TNFAIP2: variants seen among roughly 807,000 people sequenced by gnomAD.
TNFAIP2 encodes the protein TNF alpha induced protein 2, also known as tumor necrosis factor alpha-induced protein 2.
Under a neutral mutation model 63.5 loss-of-function variants are expected in TNFAIP2, and 47 were observed. The ratio of observed to expected loss-of-function variants is 0.74; its 90% confidence interval spans 0.59 to 0.94. TNFAIP2 has a LOEUF of 0.94. Ranked by LOEUF, TNFAIP2 falls within the 40% of genes least tolerant of loss-of-function variation. The pLI is 0.00. For missense variants in TNFAIP2, 787 were observed against 850.2 expected, an observed-to-expected ratio of 0.93 and a Z score of 0.92; for synonymous variants, 405 against 390.2, an observed-to-expected ratio of 1.04 and a Z score of -0.45.
chr14:103,122,151 G>A (rs1415685673), upstream of TNFAIP2, among the ~76,000 whole-genome samples: 1 of 152,136 alleles, frequency 6.6e-6, no homozygotes, highest in Non-Finnish European at 1.5e-5. Context: ...CAGCCTTAAC[G>A]CCCCATCCTG....
chr14:103,131,556 AAG>A lies in TNFAIP2; in HGVS notation c.1299-78_1299-77del, dbSNP rs1352539906. On this transcript the variant is annotated intron_variant, in intron 7 of 11. Transcript: ENST00000560869. The surrounding 1 kb of genome is among the most constrained non-coding windows in gnomAD (Gnocchi z 4.0). ...GGGAGCCATTGAGGGTTCTAGAGTGAAGAGAGGGGGCTGTCTGGCTCCCTGGG... is the reference window on the plus strand; with the variant it reads ...GGGAGCCATTGAGGGTTCTAGAGTGAAGAGGGGGCTGTCTGGCTCCCTGGG... 2.8e-5 allele frequency: 41 copies of A among 1,479,560 alleles called. No individual in the cohort carries two copies. Among genetic ancestry groups the A allele is most frequent in the Non-Finnish European group, 3.5e-5 (39 of 1,113,370 alleles). The allele number at this position is 1,479,560 out of a possible 1,614,324, so 91.7% of individuals were successfully genotyped here.
Position 103,126,558 on chromosome 14 carries a change from A to G in TNFAIP2, c.101A>G (p.Lys34Arg). 6.4e-7 allele frequency: 1 copy of G among 1,561,832 alleles called. No homozygotes were observed. Among genetic ancestry groups the G allele is most frequent in the Non-Finnish European group, 8.7e-7 (1 of 1,153,114 alleles). Residue 34 changes from lysine (K) to arginine (R), a missense_variant, in exon 2 of 12, where the codon AAG becomes AGG. By Grantham distance (26) the Lys-to-Arg change is conservative. Coordinates refer to ENST00000560869, the MANE Select transcript of TNFAIP2 (RefSeq NM_006291.4). ...GCGGCGAAGAAGAAGAAGGAGAAGA[A>G]GAAGAAGTCCAAAGGCCTGGCCAAT... ...EEAAKKKKEK[K>R]KKSKGLANVF...
At position 103,131,728 on chromosome 14, in the gene TNFAIP2, A is replaced by G; in HGVS notation, c.1388A>G (p.Asp463Gly). 1.2e-6 allele frequency: 2 copies of G among 1,612,122 alleles called. No homozygotes were observed. The highest frequency in any genetic ancestry group is 1.7e-6 in the Non-Finnish European group (2 of 1,179,756). Residue 463 changes from aspartate (D) to glycine (G), a missense_variant, in exon 8 of 12, where the codon GAC (aspartate) becomes GGC (glycine). Physicochemically the swap from Asp to Gly is moderately conservative, Grantham distance 94. This residue lies in a region of TNFAIP2 where 523 missense variants were observed against 604.1 expected (regional missense o/e 0.87). Coordinates refer to ENST00000560869, the MANE Select transcript of TNFAIP2 (RefSeq NM_006291.4). This position sits in a 1 kb window ranked among gnomAD's most constrained non-coding sequence, Gnocchi z 4.0. ...GGTGAGCTCAAGAGCCACGGCTTTG[A>G]CACCCTGCTCCAGAACCTGCATGAG... ...PLGELKSHGF[D>G]TLLQNLHEDL... is the part of the protein sequence containing the mutation.
In TNFAIP2 at chr14:103,126,554, A is replaced by G. The variant is rs2087856624; in HGVS notation, c.97A>G (p.Lys33Glu). The G allele has an allele frequency of 6.4e-7, 1 of 1,556,386 alleles. No homozygotes were observed. Among genetic ancestry groups the G allele is most frequent in the South Asian group, 1.2e-5 (1 of 84,926 alleles). The change falls in exon 2 of 12, where the codon AAG becomes GAG. Residue 33 changes from lysine (K) to glutamate (E), a missense_variant. Transcript: ENST00000560869. ...EEEAAKKKKE[K>E]KKKSKGLANV... ...AGAGGCGGCGAAGAAGAAGAAGGAGAAGAAGAAGAAGTCCAAAGGCCTGGC... is the reference window on the plus strand; with the variant it reads ...AGAGGCGGCGAAGAAGAAGAAGGAGGAGAAGAAGAAGTCCAAAGGCCTGGC...
Position 103,135,360 on chromosome 14 carries a change from G to C in TNFAIP2, c.1965G>C (p.Ter655TyrextTer85). The change falls in exon 12 of 12, where the codon TAG becomes TAC. Residue 655 changes from the stop codon to tyrosine (Y), a stop_lost. Coordinates refer to ENST00000560869, the MANE Select transcript of TNFAIP2 (RefSeq NM_006291.4). The surrounding 1 kb of genome is among the most constrained non-coding windows in gnomAD (Gnocchi z 7.6). The stretch of plus-strand genomic sequence containing the variant: ...TATTTTCCCTTATAAAGGTTGGTTA[G>C]CTTTTCCTGTGGCCTGACCTGCCTG... Reference protein sequence around the residue: ...RPLFSLIKVG* With the variant: ...RPLFSLIKVGY The C allele has an allele frequency of 3.1e-6, 5 of 1,602,260 alleles. No homozygotes were observed. The highest frequency in any genetic ancestry group is 1.1e-5 in the South Asian group (1 of 89,250).
chr14:103,130,351 A>G lies in TNFAIP2; in HGVS notation c.1135A>G (p.Thr379Ala), dbSNP rs1368796616. 2.6e-6 allele frequency: 4 copies of G among 1,568,248 alleles called. No homozygotes were observed. Among genetic ancestry groups the G allele is most frequent in the African/African-American group, 1.4e-5 (1 of 74,016 alleles). The change falls in exon 6 of 12, where the codon ACG becomes GCG. Residue 379 changes from threonine (T) to alanine (A), a missense_variant. Thr to Ala is a moderately conservative substitution (Grantham distance 58). Around this residue, in one of 3 missense-constraint regions of TNFAIP2, gnomAD observed 523 missense variants for 604.1 expected, o/e 0.87. Coordinates refer to ENST00000560869, the MANE Select transcript of TNFAIP2 (RefSeq NM_006291.4). ...GGCCCAGGCCAAGGCCGAGAGCATC[A>G]CGCTGGACTTGGGCTCACAGATAAA... The part of the protein sequence containing the change: ...SQAQAKAESI[T>A]LDLGSQIKRV...
rs2139541462 is a variant in TNFAIP2 at position 103,123,724 on chromosome 14, G to A, written c.-376G>A. 2 of 152,404 alleles carry A rather than the reference G, an allele frequency of 1.3e-5. No homozygotes were observed. Among genetic ancestry groups the A allele is most frequent in the Middle Eastern group, 6.7e-3 (2 of 298 alleles). 9.4% of individuals were successfully genotyped at this position (152,404 alleles called of 1,614,324 possible). A position where few individuals can be genotyped will look rare whatever the true frequency, so the allele number is the denominator to read the frequency against. ...GGCCTGCCAGAGGCAGGGAGGGCGG[G>A]GCTGGGGCAGGCGCAGGGGTCTCCC... On this transcript the variant is annotated 5_prime_UTR_variant, in exon 1 of 12. Coordinates refer to ENST00000560869, the MANE Select transcript of TNFAIP2 (RefSeq NM_006291.4).
chr14:103,133,388 C>T lies in TNFAIP2; in HGVS notation c.1572C>T (p.His524=). ...AGCTCATGGAGGCCTTGCACCTGCA[C>T]CTGGTGAAGGAGTACATCATCCAAC... is the stretch of plus-strand genomic sequence containing the variant. ...REELMEALHL[H]LVKEYIIQLS... Residue 524 remains histidine, a synonymous_variant, in exon 10 of 12, where the codon CAC becomes CAT. Coordinates refer to ENST00000560869, the MANE Select transcript of TNFAIP2 (RefSeq NM_006291.4). 2 of 1,613,812 alleles carry T rather than the reference C, an allele frequency of 1.2e-6. No homozygotes were observed. The highest frequency in any genetic ancestry group is 1.7e-6 in the Non-Finnish European group (2 of 1,180,018).
At chr14:103,129,619 C>A in intron 3 of TNFAIP2, 121 bp from the exon 4 acceptor site, 1 of 795,124 alleles carries the variant, frequency 1.3e-6, no homozygotes. Flanking sequence ...GGTGGGGGTG[C>A]GGGAGGGTGT....
Position 103,132,778 on chromosome 14 carries a change from G to A in TNFAIP2, c.1451G>A (p.Arg484His), listed in dbSNP as rs571451734. ...CTGTTCAAGAGGTTCACGCACACCC[G>A]CTGGGCGGCCCCTGTGGAGACCCTG... Reference protein sequence around the residue: ...KPLFKRFTHTRWAAPVETLEN... With the variant: ...KPLFKRFTHTHWAAPVETLEN... Residue 484 changes from arginine (R) to histidine (H), a missense_variant, in exon 9 of 12, where the codon CGC becomes CAC. Arg to His is a conservative substitution (Grantham distance 29). Coordinates refer to ENST00000560869, the MANE Select transcript of TNFAIP2 (RefSeq NM_006291.4). The A allele has an allele frequency of 2.0e-5, 33 of 1,613,646 alleles. No homozygotes were observed. In the East Asian group the frequency reaches 4.5e-4, roughly 22 times the overall value.
chr14:103,133,151 CAT>C (rs1555406416), intron 9 of TNFAIP2, among the ~76,000 whole-genome samples: 39 of 151,412 alleles, frequency 2.6e-4, no homozygotes, highest in South Asian at 1.2e-3. Context: ...TAAACACACA[CAT>C]GTGAACACGT....
chr14:103,135,288 G>A lies in TNFAIP2; in HGVS notation c.1893G>A (p.Arg631=). The part of the protein sequence containing the change: ...NLSNSEVKRI[R]SILDVSMGAQ... ...CCAACAGTGAGGTCAAGCGCATCCG[G>A]AGCATCTTGGACGTCAGCATGGGGG... The change falls in exon 12 of 12, where the codon CGG becomes CGA. Residue 631 remains arginine, a synonymous_variant. Coordinates refer to ENST00000560869, the MANE Select transcript of TNFAIP2 (RefSeq NM_006291.4). This position sits in a 1 kb window ranked among gnomAD's most constrained non-coding sequence, Gnocchi z 7.6. 1 of 1,613,986 alleles carries A rather than the reference G, an allele frequency of 6.2e-7. No homozygotes were observed. Among genetic ancestry groups the A allele is most frequent in the South Asian group, 1.1e-5 (1 of 91,090 alleles).
upstream of TNFAIP2, chr14:103,122,846 G>C (rs907361424): frequency 2.2e-6 from 1 of 455,142 alleles, no homozygotes; most frequent in Non-Finnish European, 4.4e-6. Context: ...TGTGAGCCGG[G>C]TCAGCCACTT....
At chr14:103,133,975 C>T (rs2088044651) in intron 11 of TNFAIP2, among the ~76,000 whole-genome samples, 172 bp downstream of exon 11, 1 of 152,260 alleles carries the variant, frequency 6.6e-6, no homozygotes, top group African/African-American at 2.4e-5. Flanking sequence ...GACAATACTT[C>T]CCATTCCCGT....
Position 103,136,206 on chromosome 14 carries a change from C to G in TNFAIP2, c.*846C>G. 1 of 350,948 alleles carries G rather than the reference C, an allele frequency of 2.8e-6. No individual in the cohort carries two copies. The highest frequency in any genetic ancestry group is 4.1e-5 in the Admixed American group (1 of 24,424). The allele number at this position is 350,948 out of a possible 1,614,324, so 21.7% of individuals were successfully genotyped here. ...TGGGCAGGGGCAGGGCAAGCTTGACCTCTCACTGTTGACCCTTTGGCCTCT... is the reference window on the plus strand; with the variant it reads ...TGGGCAGGGGCAGGGCAAGCTTGACGTCTCACTGTTGACCCTTTGGCCTCT... On this transcript the variant is annotated 3_prime_UTR_variant, in exon 12 of 12. Transcript: ENST00000560869.
At position 103,127,333 on chromosome 14, in the gene TNFAIP2, G is replaced by T; in HGVS notation, c.564G>T (p.Gln188His). ...LAATRPRRWL[Q>H]LWRRGVAEAA... ...CCACGCGCCCGCGGCGCTGGCTGCA[G>T]CTGTGGCGGCGCGGCGTGGCGGAGG... The change falls in exon 3 of 12, where the codon CAG becomes CAT. Residue 188 changes from glutamine to histidine, a missense_variant. By Grantham distance (24) the Gln-to-His change is conservative. Coordinates refer to ENST00000560869, the MANE Select transcript of TNFAIP2 (RefSeq NM_006291.4). The surrounding 1 kb of genome is among the most constrained non-coding windows in gnomAD (Gnocchi z 5.1). 1 of 1,117,020 alleles carries T rather than the reference G, an allele frequency of 9.0e-7. No homozygotes were observed. The highest frequency in any genetic ancestry group is 1.1e-6 in the Non-Finnish European group (1 of 911,470). 69.2% of individuals were successfully genotyped at this position (1,117,020 alleles called of 1,614,324 possible).
At position 103,135,022 on chromosome 14, in the gene TNFAIP2, G is replaced by A. The variant is rs1183041407; in HGVS notation, c.1824-197G>A. On this transcript the variant is annotated intron_variant, in intron 11 of 11. Coordinates refer to ENST00000560869, the MANE Select transcript of TNFAIP2 (RefSeq NM_006291.4). The surrounding 1 kb of genome is among the most constrained non-coding windows in gnomAD (Gnocchi z 7.6). Reference sequence around the variant, plus strand: ...AACATTGCAGGGGAACAGCCGGTGCGGAGGCCTGAAGCAGGCTGGGGCATG... The same window carrying A: ...AACATTGCAGGGGAACAGCCGGTGCAGAGGCCTGAAGCAGGCTGGGGCATG... 2.0e-5 allele frequency among the ~76,000 whole-genome samples: 3 copies of A among 152,198 alleles called. No individual in the cohort carries two copies. Among genetic ancestry groups the A allele is most frequent in the Admixed American group, 1.3e-4 (2 of 15,278 alleles).
At chr14:103,129,440 C>T (rs574369979) in intron 3 of TNFAIP2, among the ~76,000 whole-genome samples, 3 of 148,356 alleles carry the variant, frequency 2.0e-5, no homozygotes, top group African/African-American at 5.0e-5. Context: ...TGATGGGAGC[C>T]GGCCAGGGCG....
chr14:103,127,635 C>G lies in TNFAIP2; in HGVS notation c.860+6C>G, dbSNP rs1306466981. ...GTGCAGAACCTCTACCCCAAGTGAG[C>G]AGACCAGGGGCTGGGCCCGGGCCGG... On this transcript the variant is annotated splice_donor_region_variant and intron_variant, in intron 3 of 11. Coordinates refer to ENST00000560869, the MANE Select transcript of TNFAIP2 (RefSeq NM_006291.4). The surrounding 1 kb of genome is among the most constrained non-coding windows in gnomAD (Gnocchi z 5.1). 1 of 1,482,036 alleles carries G rather than the reference C, an allele frequency of 6.7e-7. No individual in the cohort carries two copies. The highest frequency in any genetic ancestry group is 9.0e-7 in the Non-Finnish European group (1 of 1,113,722). The allele number at this position is 1,482,036 out of a possible 1,614,324, so 91.8% of individuals were successfully genotyped here.
Sources: gnomAD v4.1 joint callset for allele counts (sites outside exome capture counted in the v4.1 genomes callset) on GRCh38, gnomAD v4.1.1 for gene constraint, gnomAD v4.1.1 regional missense constraint, Gnocchi (gnomAD v3.1) non-coding constraint, MANE v1.5 for transcripts, NCBI Gene and HGNC (gene_info 2026-07-23, HGNC 2026-07-21) for gene names.